Variants in COL26A1 observed in about 807,000 individuals in gnomAD.
COL26A1 encodes collagen alpha-1(XXVI) chain.
COL26A1 carries 41 observed loss-of-function variants against 59.3 expected under a neutral mutation model. The ratio of observed to expected loss-of-function variants is 0.69; its 90% CI spans 0.54 to 0.90. COL26A1 has a LOEUF of 0.90. Ranked by LOEUF, COL26A1 falls within the 40% of genes least tolerant of loss-of-function variation. COL26A1 has a pLI of 0.00. For synonymous variants in COL26A1, 266 were observed against 256.0 expected (o/e 1.04, Z -0.37); for missense variants, 612 against 602.3 (o/e 1.02, Z -0.17).
intron 3 of COL26A1, among the ~76,000 whole-genome samples, chr7:101,471,349 T>C (rs988305394): frequency 6.6e-6 from 1 of 151,848 alleles, no homozygotes; most frequent in Non-Finnish European, 1.5e-5. Context: ...CGGAAAGGAG[T>C]GTCATCTAGA....
intron 3 of COL26A1, among the ~76,000 whole-genome samples, chr7:101,507,000 C>T (rs1392772049): frequency 3.3e-5 from 5 of 151,954 alleles, no homozygotes; most frequent in South Asian, 2.1e-4. Context: ...CCGCAACCTC[C>T]GCCTCCCGGG....
intron 3 of COL26A1, among the ~76,000 whole-genome samples, chr7:101,495,671 G>A (rs1309833319): frequency 2.0e-5 from 3 of 150,858 alleles, no homozygotes; most frequent in Non-Finnish European, 3.0e-5. Context: ...CGCCCACCTC[G>A]GCCTCCCAAA....
At chr7:101,428,666 C>T (rs536454969) in intron 2 of COL26A1, among the ~76,000 whole-genome samples, 2 of 151,476 alleles carry the variant, frequency 1.3e-5, no homozygotes, top group East Asian at 3.9e-4. Context: ...CTTTTGTGGT[C>T]GTGTGTGTGT....
At chr7:101,525,451 G>A (rs1340216190) in intron 3 of COL26A1, among the ~76,000 whole-genome samples, 1 of 150,116 alleles carries the variant, frequency 6.7e-6, no homozygotes, top group Non-Finnish European at 1.5e-5. Flanking sequence ...AAAGTGCTGA[G>A]ATTACAGGTG....
chr7:101,365,823 A>C (rs900311431), intron 1 of COL26A1, among the ~76,000 whole-genome samples: 1 of 147,350 alleles, frequency 6.8e-6, no homozygotes, highest in African/African-American at 2.7e-5. Context: ...TGGGAAGGAA[A>C]AAAAAAAAGG....
chr7:101,468,539 A>G (rs190315462), intron 3 of COL26A1, among the ~76,000 whole-genome samples: 5 of 152,296 alleles, frequency 3.3e-5, no homozygotes, highest in Admixed American at 6.5e-5. Flanking sequence ...CGTGCCGCCA[A>G]GCAAGGCCTC....
chr7:101,370,884 CATTTGTGGGTAGCCCCTGCACCTGTG>C (rs1446587269), intron 1 of COL26A1, among the ~76,000 whole-genome samples: 6 of 152,164 alleles, frequency 3.9e-5, no homozygotes, highest in African/African-American at 4.8e-5. Context: ...CTGTTCATCT[CATTTGTGGGTAGCCCCTGCACCTGTG>C]ATTTGTGGGT....
rs553446275 is a variant in COL26A1 at position 101,446,740 on chromosome 7, C to T, written c.282-944C>T. ...CACACACCTATAATCTCAGCTACTC[C>T]GGAGGCTGAGGCAGGAGAATCGCTT... is the stretch of plus-strand genomic sequence containing the variant. On this transcript the variant is annotated intron_variant, in intron 2 of 12. Coordinates refer to ENST00000313669, the MANE Select transcript of COL26A1 (RefSeq NM_001278563.3). Among the ~76,000 whole-genome samples the T allele has an allele frequency of 4.3e-4, 65 of 151,702 alleles. 1 individual carries two copies. Among genetic ancestry groups the T allele is most frequent in the Admixed American group, 3.1e-3 (47 of 15,202 alleles).
chr7:101,520,316 C>G (rs1311116754), intron 3 of COL26A1, among the ~76,000 whole-genome samples: 2 of 152,164 alleles, frequency 1.3e-5, no homozygotes, highest in Non-Finnish European at 2.9e-5. Context: ...CGGTGCAGAA[C>G]ACAGGGTCCT....
At chr7:101,514,540 C>T (rs1794989215) in intron 3 of COL26A1, among the ~76,000 whole-genome samples, 1 of 152,038 alleles carries the variant, frequency 6.6e-6, no homozygotes, top group Non-Finnish European at 1.5e-5. Flanking sequence ...TTATTCCTTC[C>T]AGCTGGGGCT....
Position 101,400,351 on chromosome 7 carries a change from C to CTTTTTTTTTTTTT in COL26A1, c.159-19625_159-19624insTTTTTTTTTTTTT, listed in dbSNP as rs1387032420. Among the ~76,000 whole-genome samples, 3 of 123,350 alleles carry CTTTTTTTTTTTTT rather than the reference C, an allele frequency of 2.4e-5. 1 individual carries two copies. The highest frequency in any genetic ancestry group is 5.1e-5 in the Non-Finnish European group (3 of 59,072). 80.9% of individuals were successfully genotyped at this position (123,350 alleles called of 152,430 possible). A position where few individuals can be genotyped will look rare whatever the true frequency, so the allele number is the denominator to read the frequency against. On this transcript the variant is annotated intron_variant, in intron 1 of 12. Coordinates refer to ENST00000313669, the MANE Select transcript of COL26A1 (RefSeq NM_001278563.3). ...GTCCACACTGCCTTTCTTTTTTTTC[C>CTTTTTTTTTTTTT]TATTTTTTTTTTTTTTTTTTTTTTT...
intron 1 of COL26A1, among the ~76,000 whole-genome samples, chr7:101,402,880 C>G (rs1205912854): frequency 6.6e-6 from 1 of 150,646 alleles, no homozygotes; most frequent in African/African-American, 2.4e-5. Flanking sequence ...GGGTCTTGCT[C>G]TTTTGCCCAA....
chr7:101,484,468 T>C (rs961964462), intron 3 of COL26A1, among the ~76,000 whole-genome samples: 6 of 151,986 alleles, frequency 3.9e-5, no homozygotes, highest in Non-Finnish European at 4.4e-5. Flanking sequence ...CCTCCCAGGT[T>C]CCAGCGATTC....
chr7:101,507,147 T>G (rs1463209027), intron 3 of COL26A1, among the ~76,000 whole-genome samples: 1 of 152,162 alleles, frequency 6.6e-6, no homozygotes, highest in African/African-American at 2.4e-5. Context: ...ACGCCTGGCC[T>G]CAAGTGATCC....
chr7:101,434,285 G>C (rs530532485), intron 2 of COL26A1, among the ~76,000 whole-genome samples: 3 of 144,130 alleles, frequency 2.1e-5, no homozygotes, highest in African/African-American at 5.2e-5. Flanking sequence ...ACAGGGTCTT[G>C]CTCTGTTGCC....
chr7:101,409,860 A>T (rs576619595), intron 1 of COL26A1, among the ~76,000 whole-genome samples: 1 of 152,198 alleles, frequency 6.6e-6, no homozygotes, highest in South Asian at 2.1e-4. Flanking sequence ...TCCCGGGTTC[A>T]TGCCATTCTC....
intron 4 of COL26A1, among the ~76,000 whole-genome samples, chr7:101,539,127 GGA>G (rs1218954918): frequency 6.6e-6 from 1 of 152,186 alleles, no homozygotes; most frequent in Admixed American, 6.5e-5. Flanking sequence ...CCTCAAGGAG[GGA>G]CAGATGGGGC....
At chr7:101,471,441 T>G (rs1454178870) in intron 3 of COL26A1, among the ~76,000 whole-genome samples, 1 of 152,100 alleles carries the variant, frequency 6.6e-6, no homozygotes, top group Non-Finnish European at 1.5e-5. Context: ...AGATAATGTA[T>G]TAGAGACTAC....
intron 2 of COL26A1, among the ~76,000 whole-genome samples, chr7:101,425,731 G>A (rs1450681636): frequency 2.0e-5 from 3 of 151,590 alleles, no homozygotes; most frequent in Non-Finnish European, 4.4e-5. Flanking sequence ...TCGAACTCCT[G>A]AACTACCTCA....
Sources: gnomAD v4.1 joint callset for allele counts (sites outside exome capture counted in the v4.1 genomes callset) on GRCh38, gnomAD v4.1.1 for gene constraint, MANE v1.5 for transcripts, NCBI Gene and HGNC (gene_info 2026-07-23, HGNC 2026-07-21) for gene names.